The following PTH2R variants were observed in gnomAD, a reference collection of about 807,000 sequenced individuals.
PTH2R encodes parathyroid hormone 2 receptor, also known as PTH2 receptor.
In PTH2R, 59 loss-of-function variants were observed where a neutral mutation model predicts 60.3. The observed-to-expected ratio is 0.98, with a 90% CI of 0.79 to 1.22. The LOEUF (loss-of-function observed/expected upper bound fraction) is 1.22. PTH2R is among the 50% of genes most tolerant of loss of function. The pLI is 0.00. For synonymous variants in PTH2R, 256 were observed against 243.8 expected, an observed-to-expected ratio of 1.05 and a Z score of -0.47; for missense variants, 749 against 682.6, an observed-to-expected ratio of 1.10 and a Z score of -1.08.
intron 1 of PTH2R, among the ~76,000 whole-genome samples, chr2:208,388,172 C>T (rs1284736238): frequency 3.4e-5 from 5 of 144,942 alleles, no homozygotes; most frequent in South Asian, 4.8e-4. Flanking sequence ...AAAAATTAGC[C>T]GGGCGTGGTG....
At chr2:208,421,515 A>G (rs974308523) in intron 1 of PTH2R, among the ~76,000 whole-genome samples, 10 of 152,136 alleles carry the variant, frequency 6.6e-5, no homozygotes, top group Non-Finnish European at 1.2e-4. Context: ...TTCATGGTTC[A>G]TAAAGGTAGA....
chr2:208,364,969 G>T (rs1444466551), intron 1 of PTH2R, among the ~76,000 whole-genome samples: 2 of 150,774 alleles, frequency 1.3e-5, no homozygotes, highest in African/African-American at 4.9e-5. Flanking sequence ...TTCACTATTT[G>T]TGTATAGAAA....
intron 1 of PTH2R, among the ~76,000 whole-genome samples, chr2:208,427,757 A>T (rs1183394672): frequency 6.6e-6 from 1 of 152,042 alleles, no homozygotes; most frequent in Non-Finnish European, 1.5e-5. Context: ...GTTCCTCTGG[A>T]ACCAACCACT....
intron 9 of PTH2R, among the ~76,000 whole-genome samples, chr2:208,468,173 A>G (rs1702797210): frequency 6.6e-6 from 1 of 152,184 alleles, no homozygotes; most frequent in Non-Finnish European, 1.5e-5. Context: ...TAAAGGGAGA[A>G]ATAAGCCCAG....
chr2:208,488,359 T>C (rs985254597), intron 10 of PTH2R, among the ~76,000 whole-genome samples: 2 of 152,168 alleles, frequency 1.3e-5, no homozygotes, highest in African/African-American at 4.8e-5. Flanking sequence ...AGGGAGTAAT[T>C]GATTTTAAAA....
chr2:208,365,898 G>T (rs114494418), intron 1 of PTH2R, among the ~76,000 whole-genome samples: 6,013 of 113,200 alleles, frequency 0.053, 300 homozygotes, highest in African/African-American at 0.14. Context: ...ACCATGCACA[G>T]CTAATTTATA....
intron 1 of PTH2R, among the ~76,000 whole-genome samples, chr2:208,393,745 C>T (rs1032992415): frequency 6.6e-6 from 1 of 152,162 alleles, no homozygotes; most frequent in Non-Finnish European, 1.5e-5. Flanking sequence ...TATATACCTA[C>T]AGGGGTCATC....
intron 12 of PTH2R, among the ~76,000 whole-genome samples, chr2:208,491,185 G>T (rs1406078719): frequency 1.3e-5 from 2 of 152,146 alleles, no homozygotes; most frequent in Admixed American, 1.3e-4. Flanking sequence ...TGGATGAGCT[G>T]CCATGTTTCT....
intron 9 of PTH2R, among the ~76,000 whole-genome samples, chr2:208,463,965 G>A (rs1272218728): frequency 2.0e-5 from 3 of 152,184 alleles, no homozygotes; most frequent in African/African-American, 4.8e-5. Context: ...TACCATTGGT[G>A]TGACTATTTT....
intron 7 of PTH2R, among the ~76,000 whole-genome samples, chr2:208,449,277 A>G (rs1312274898): frequency 1.3e-5 from 2 of 152,196 alleles, no homozygotes; most frequent in African/African-American, 4.8e-5. Flanking sequence ...CATAGCACCA[A>G]TTCATAACCA....
chr2:208,470,378 T>C (rs1702855783), intron 9 of PTH2R, among the ~76,000 whole-genome samples: 3 of 152,186 alleles, frequency 2.0e-5, no homozygotes, highest in Admixed American at 2.0e-4. Flanking sequence ...TGTTTTGATA[T>C]GGTTTGGCTG....
At chr2:208,461,254 T>C (rs140921434) in intron 9 of PTH2R, among the ~76,000 whole-genome samples, 206 of 152,246 alleles carry the variant, frequency 1.4e-3, no homozygotes, top group Non-Finnish European at 1.8e-3. Flanking sequence ...AATTTTAATT[T>C]TTAATGTAAA....
intron 9 of PTH2R, among the ~76,000 whole-genome samples, chr2:208,474,144 T>C (rs942539409): frequency 6.6e-6 from 1 of 152,220 alleles, no homozygotes; most frequent in Admixed American, 6.5e-5. Context: ...CCTTTTAAAA[T>C]GAAGTTTTCT....
At chr2:208,430,324 GT>G (rs1385826694) in intron 2 of PTH2R, among the ~76,000 whole-genome samples, 1 of 151,822 alleles carries the variant, frequency 6.6e-6, no homozygotes, top group East Asian at 1.9e-4. Context: ...GAATCTTTAT[GT>G]TAGAATATGT....
At chr2:208,431,071 C>G (rs544401835) in intron 2 of PTH2R, among the ~76,000 whole-genome samples, 1 of 152,100 alleles carries the variant, frequency 6.6e-6, no homozygotes, top group Non-Finnish European at 1.5e-5. Context: ...AATATGGGAC[C>G]TACTCATACT....
chr2:208,432,249 A>G (rs1056548415), intron 2 of PTH2R, among the ~76,000 whole-genome samples: 6 of 152,204 alleles, frequency 3.9e-5, no homozygotes, highest in Non-Finnish European at 8.8e-5. Flanking sequence ...AAATATTATT[A>G]TGTGCCCAGA....
chr2:208,390,975 C>T lies in PTH2R; in HGVS notation c.-259+30738C>T, dbSNP rs186791547. Among the ~76,000 whole-genome samples, 19 of 152,248 alleles carry T rather than the reference C, an allele frequency of 1.2e-4. 1 individual carries two copies. The Middle Eastern group carries it at 0.014, about 109-fold the overall frequency. ...CTTTGGGCTTTGGTCCCTTAGCTCTCCAAGGCTTTGACTCGAGTGTGATGT... is the reference window on the plus strand; with the variant it reads ...CTTTGGGCTTTGGTCCCTTAGCTCTTCAAGGCTTTGACTCGAGTGTGATGT... On this transcript the variant is annotated intron_variant, in intron 1 of 12. Transcript: ENST00000617735.
intron 1 of PTH2R, among the ~76,000 whole-genome samples, chr2:208,410,403 C>T (rs2105835024): frequency 6.6e-6 from 1 of 152,320 alleles, no homozygotes; most frequent in East Asian, 1.9e-4. Flanking sequence ...CTGGTACCCT[C>T]ATTGTGGAGA....
rs76740087 is a variant in PTH2R at position 208,439,025 on chromosome 2, A to G, written c.411+1144A>G. Among the ~76,000 whole-genome samples, 156 of 152,310 alleles carry G rather than the reference A, an allele frequency of 1.0e-3. 7 individuals are homozygous for G. In the East Asian group the frequency reaches 0.029, roughly 28 times the overall value. On this transcript the variant is annotated intron_variant, in intron 4 of 12. Transcript: ENST00000272847. Reference sequence around the variant, plus strand: ...CATTCAGTTAAGCTAAAATGCTTCAAAAGAATTTCAGTCTCATTGATAGAA... The same window carrying G: ...CATTCAGTTAAGCTAAAATGCTTCAGAAGAATTTCAGTCTCATTGATAGAA...
Sources: gnomAD v4.1 joint callset for allele counts (sites outside exome capture counted in the v4.1 genomes callset) on GRCh38, gnomAD v4.1.1 for gene constraint, MANE v1.5 for transcripts, NCBI Gene and HGNC (gene_info 2026-07-23, HGNC 2026-07-21) for gene names.